Variants in FYTTD1 observed in about 807,000 individuals in gnomAD.
The protein encoded by FYTTD1 is forty-two-three domain containing 1.
FYTTD1 carries 22 observed loss-of-function variants against 40.9 expected under a neutral mutation model. That is an observed-to-expected ratio of 0.54 (90% CI 0.38 to 0.77). The LOEUF is 0.77. FYTTD1 is among the 30% of genes least tolerant of loss of function. The pLI is 0.00. For missense variants in FYTTD1, 351 were observed against 392.2 expected (o/e 0.90, Z 0.89); for synonymous variants, 140 against 137.9 (o/e 1.01, Z -0.10).
At chr3:197,766,016 A>G (rs927927243) in intron 2 of FYTTD1, among the ~76,000 whole-genome samples, 19 of 151,044 alleles carry the variant, frequency 1.3e-4, no homozygotes, top group South Asian at 4.2e-4. Flanking sequence ...GTATATGTAT[A>G]ACTGGGTGTG....
intron 2 of FYTTD1, chr3:197,763,413 TCAA>T: frequency 3.2e-6 from 1 of 311,608 alleles, no homozygotes; most frequent in South Asian, 2.5e-5. Flanking sequence ...GACTCTTGTC[TCAA>T]AAAAAAAAAA....
chr3:197,767,076 C>CTTT (rs57992035), intron 2 of FYTTD1, among the ~76,000 whole-genome samples: 2 of 146,170 alleles, frequency 1.4e-5, no homozygotes, highest in African/African-American at 5.0e-5. Context: ...AATTTACCCC[C>CTTT]TTTTTTTTTT....
Position 197,784,351 on chromosome 3 carries a change from C to T in FYTTD1, c.*2442C>T, listed in dbSNP as rs144165398. Reference sequence around the variant, plus strand: ...GTGGTTTTTAGATTGTTCTATGTTACGAAGAACTTTGTAGTGGTTATCTAT... The same window carrying T: ...GTGGTTTTTAGATTGTTCTATGTTATGAAGAACTTTGTAGTGGTTATCTAT... On this transcript the variant is annotated 3_prime_UTR_variant, in exon 9 of 9. Coordinates refer to ENST00000241502, the MANE Select transcript of FYTTD1 (RefSeq NM_032288.7). The T allele has an allele frequency of 6.1e-4, 93 of 152,216 alleles. 1 individual carries two copies. Among genetic ancestry groups the T allele is most frequent in the African/African-American group, 2.0e-3 (84 of 41,528 alleles). The allele number at this position is 152,216 out of a possible 1,614,324, so 9.4% of individuals were successfully genotyped here. A position where few individuals can be genotyped will look rare whatever the true frequency, so the allele number is the denominator to read the frequency against.
At chr3:197,769,636 C>G (rs993576510) in intron 3 of FYTTD1, among the ~76,000 whole-genome samples, 2 of 152,158 alleles carry the variant, frequency 1.3e-5, no homozygotes, top group African/African-American at 4.8e-5. Flanking sequence ...CTAACCACGT[C>G]TACTCCAGCG....
At chr3:197,774,427 G>C (rs1241386529) in intron 6 of FYTTD1, among the ~76,000 whole-genome samples, 1 of 152,224 alleles carries the variant, frequency 6.6e-6, no homozygotes, top group East Asian at 1.9e-4. Flanking sequence ...AGGCTGTGAA[G>C]TGCCATAATG....
intron 2 of FYTTD1, among the ~76,000 whole-genome samples, chr3:197,761,667 C>T (rs985915778): frequency 6.6e-6 from 1 of 152,084 alleles, no homozygotes; most frequent in African/African-American, 2.4e-5. Flanking sequence ...CGTCAGGTAC[C>T]CTTGGGGATC....
chr3:197,749,596 A>C (rs1280806708), upstream of FYTTD1: 3 of 1,212,964 alleles, frequency 2.5e-6, no homozygotes, highest in Middle Eastern at 4.4e-4. Context: ...TGTCTGCAGC[A>C]GGAGGGACTC....
chr3:197,780,102 C>T (rs567164244), intron 8 of FYTTD1, among the ~76,000 whole-genome samples: 68 of 144,718 alleles, frequency 4.7e-4, no homozygotes, highest in Non-Finnish European at 9.6e-4. Flanking sequence ...CACACACCAC[C>T]ACACCTGGGG....
At chr3:197,770,813 T>G (rs1359171592) in intron 4 of FYTTD1, among the ~76,000 whole-genome samples, 1 of 152,184 alleles carries the variant, frequency 6.6e-6, no homozygotes, top group Non-Finnish European at 1.5e-5. Flanking sequence ...CCTCCTAAAG[T>G]GCTGGGATTA....
In FYTTD1 at chr3:197,786,093, T is replaced by A. The variant is rs1327333375; in HGVS notation, c.*4184T>A. ...CTTCTCACCACAGTTTATTTTCTTT[T>A]TTCTTTTTCTTTTTTTTTTTTTCTT... is the stretch of plus-strand genomic sequence containing the variant. On this transcript the variant is annotated 3_prime_UTR_variant, in exon 9 of 9. Transcript: ENST00000241502. 1.3e-5 allele frequency: 2 copies of A among 151,190 alleles called. No homozygotes were observed. The highest frequency in any genetic ancestry group is 2.9e-5 in the Non-Finnish European group (2 of 67,840). 9.4% of individuals were successfully genotyped at this position (151,190 alleles called of 1,614,324 possible).
At chr3:197,775,635 CAG>C (rs917349092) in intron 6 of FYTTD1, among the ~76,000 whole-genome samples, 4 of 152,198 alleles carry the variant, frequency 2.6e-5, no homozygotes, top group Admixed American at 6.5e-5. Context: ...CCTGTGGATA[CAG>C]AGAGCTGGCT....
intron 2 of FYTTD1, among the ~76,000 whole-genome samples, chr3:197,759,003 G>A (rs544753476): frequency 6.6e-6 from 1 of 151,820 alleles, no homozygotes; most frequent in East Asian, 1.9e-4. Context: ...CAGTGGTAGA[G>A]CGTATAGAGT....
At chr3:197,755,123 C>T (rs1206670713) in intron 1 of FYTTD1, among the ~76,000 whole-genome samples, 3 of 152,102 alleles carry the variant, frequency 2.0e-5, no homozygotes, top group African/African-American at 7.2e-5. Flanking sequence ...AGTAATGAGG[C>T]TTAGATCAGT....
Position 197,768,454 on chromosome 3 carries a change from G to A in FYTTD1, c.251G>A (p.Ser84Asn). The A allele has an allele frequency of 6.2e-7, 1 of 1,610,962 alleles. No individual in the cohort carries two copies. The highest frequency in any genetic ancestry group is 1.3e-5 in the African/African-American group (1 of 74,968). Residue 84 changes from serine to asparagine, a missense_variant, in exon 3 of 9, where the codon AGT becomes AAT. Coordinates refer to ENST00000241502, the MANE Select transcript of FYTTD1 (RefSeq NM_032288.7). ...IQQNSGFGKT[S>N]LNRRGRVMPG... Reference sequence around the variant, plus strand: ...CCTCCTATAGGTTTTGGTAAGACTAGTCTGAATCGTAGAGGAAGAGTAATG... The same window carrying A: ...CCTCCTATAGGTTTTGGTAAGACTAATCTGAATCGTAGAGGAAGAGTAATG...
chr3:197,780,852 T>TTTTTTTA (rs923376699), intron 8 of FYTTD1, among the ~76,000 whole-genome samples: 1 of 151,816 alleles, frequency 6.6e-6, no homozygotes, highest in Non-Finnish European at 1.5e-5. Context: ...CCAGTTTCTT[T>TTTTTTTA]TTTTTTATTT....
chr3:197,768,445 G>T lies in FYTTD1; in HGVS notation c.242G>T (p.Gly81Val), dbSNP rs374772494. Residue 81 changes from glycine (G) to valine (V), a missense_variant, in exon 3 of 9, where the codon GGT becomes GTT. Coordinates refer to ENST00000241502, the MANE Select transcript of FYTTD1 (RefSeq NM_032288.7). ...TGTTTTTGCCCTCCTATAGGTTTTG[G>T]TAAGACTAGTCTGAATCGTAGAGGA... ...RWGIQQNSGF[G>V]KTSLNRRGRV... 112 of 1,605,208 alleles carry T rather than the reference G, an allele frequency of 7.0e-5. No individual in the cohort carries two copies. The highest frequency in any genetic ancestry group is 8.8e-5 in the Non-Finnish European group (103 of 1,174,740).
In FYTTD1 at chr3:197,753,653, T is replaced by C. The variant is rs185050520; in HGVS notation, c.104-2773T>C. On this transcript the variant is annotated intron_variant, in intron 1 of 8. Transcript: ENST00000241502. ...AGCTCATTTGACTTATTTGAAGATATAGGTAGTAAAATGTTGAAATGTGAA... is the reference window on the plus strand; with the variant it reads ...AGCTCATTTGACTTATTTGAAGATACAGGTAGTAAAATGTTGAAATGTGAA... Among the ~76,000 whole-genome samples the C allele has an allele frequency of 4.6e-5, 7 of 152,288 alleles. No individual in the cohort carries two copies. The East Asian group carries it at 1.2e-3, about 25-fold the overall frequency.
intron 8 of FYTTD1, 24 bp from the exon 9 acceptor site, chr3:197,781,787 T>G: frequency 6.4e-7 from 1 of 1,550,448 alleles, no homozygotes; most frequent in Non-Finnish European, 8.8e-7. Context: ...TTTGTTGTTG[T>G]TTTTGTTTTT....
chr3:197,781,716 C>T (rs1221165150), intron 8 of FYTTD1, 95 bp from the exon 9 acceptor site: 2 of 794,110 alleles, frequency 2.5e-6, no homozygotes, highest in African/African-American at 3.5e-5. Flanking sequence ...TGTAATTAAT[C>T]ATAAGATCAC....
Sources: allele counts gnomAD v4.1 joint callset (sites outside exome capture counted in the v4.1 genomes callset), GRCh38; gene constraint gnomAD v4.1.1; transcripts MANE v1.5; gene names NCBI Gene and HGNC (gene_info 2026-07-23, HGNC 2026-07-21).